Variants in CRNN observed in about 807,000 individuals in gnomAD.
CRNN encodes the protein 53 kDa putative calcium-binding protein.
In CRNN, 39 loss-of-function variants were observed where a neutral mutation model predicts 44.7. The observed-to-expected ratio is 0.87, with a 90% CI of 0.68 to 1.14. The LOEUF is 1.14. Ranked by LOEUF, CRNN falls within the 50% of genes most tolerant of loss-of-function variation. CRNN has a pLI of 0.00. For missense variants in CRNN, 606 were observed against 605.1 expected (o/e 1.00, Z -0.02); for synonymous variants, 240 against 231.8 (o/e 1.04, Z -0.32).
Position 152,410,325 on chromosome 1 carries a change from T to C in CRNN, c.757A>G (p.Thr253Ala). ...GTGGCCTCCTGTGTCTGCTTGCTGG[T>C]TCTTCCTGTCTGGTGGCTGCTGTCC... The part of the protein sequence containing the change: ...EQDSSHQTGR[T>A]SKQTQEATND... The change falls in exon 3 of 3, where the codon ACC (threonine) becomes GCC (alanine). Residue 253 changes from threonine (T) to alanine (A), a missense_variant. Thr to Ala is a moderately conservative substitution (Grantham distance 58, BLOSUM62 0). Coordinates refer to ENST00000271835, the MANE Select transcript of CRNN (RefSeq NM_016190.3). 1 of 1,613,966 alleles carries C rather than the reference T, an allele frequency of 6.2e-7. No homozygotes were observed. The highest frequency in any genetic ancestry group is 8.5e-7 in the Non-Finnish European group (1 of 1,179,990).
At position 152,410,751 on chromosome 1, in the gene CRNN, G is replaced by A. The variant is rs1557915251; in HGVS notation, c.331C>T (p.Gln111Ter). Residue 111 changes from glutamine to a stop codon, truncating the protein, a stop_gained, in exon 3 of 3, where the codon CAG (glutamine) becomes TAG (stop). Coordinates refer to ENST00000271835, the MANE Select transcript of CRNN (RefSeq NM_016190.3). LOFTEE classifies it high-confidence loss of function. Reference sequence around the variant, plus strand: ...CTTCTCTGTCCTTCGCCCAGCTCCTGCGAGGCCCCAGAGTGGAGGCTTCCA... The same window carrying A: ...CTTCTCTGTCCTTCGCCCAGCTCCTACGAGGCCCCAGAGTGGAGGCTTCCA... The part of the protein sequence containing the change: ...ESGSLHSGAS[Q>*]ELGEGQRSGT... 6.2e-7 allele frequency: 1 copy of A among 1,614,156 alleles called. No individual in the cohort carries two copies. The highest frequency in any genetic ancestry group is 1.7e-5 in the Admixed American group (1 of 60,022).
chr1:152,410,897 T>C lies in CRNN; in HGVS notation c.185A>G (p.Asp62Gly), dbSNP rs571572587. ...TTCCACAGTCCCTGTGTGGTCTTCA[T>C]CCAGCAGACGCAGGACCTCATCCAC... The part of the protein sequence containing the change: ...ATVDEVLRLL[D>G]EDHTGTVEFK... The change falls in exon 3 of 3, where the codon GAT (aspartate) becomes GGT (glycine). Residue 62 changes from aspartate to glycine, a missense_variant. Transcript: ENST00000271835. 6.2e-7 allele frequency: 1 copy of C among 1,613,844 alleles called. No homozygotes were observed. The highest frequency in any genetic ancestry group is 1.3e-5 in the African/African-American group (1 of 75,034).
chr1:152,409,425 C>T lies in CRNN; in HGVS notation c.*169G>A, dbSNP rs1454496120. The T allele has an allele frequency of 7.9e-7, 1 of 1,269,312 alleles. No individual in the cohort carries two copies. The highest frequency in any genetic ancestry group is 1.5e-5 in the African/African-American group (1 of 66,516). The allele number at this position is 1,269,312 out of a possible 1,614,324, so 78.6% of individuals were successfully genotyped here. On this transcript the variant is annotated 3_prime_UTR_variant, in exon 3 of 3. Transcript: ENST00000271835. ...GCAAAGCAGGTAAGAAAGAAGAGTT[C>T]AGGATAGAAAGCTCCTTGCAGAAAT... is the stretch of plus-strand genomic sequence containing the variant.
At position 152,410,838 on chromosome 1, in the gene CRNN, CAACTTT is replaced by C; in HGVS notation, c.238_243del (p.Lys80_Val81del). On this transcript the variant is annotated inframe_deletion, in exon 3 of 3. Coordinates refer to ENST00000271835, the MANE Select transcript of CRNN (RefSeq NM_016190.3). ...CTCAGTGTCTTGAAACAGGCCTGGG[CAACTTT>C]AAACACTAAGACCAGGAATTCCTTG... The C allele has an allele frequency of 6.2e-7, 1 of 1,614,224 alleles. No individual in the cohort carries two copies. The highest frequency in any genetic ancestry group is 1.3e-5 in the African/African-American group (1 of 75,062).
Position 152,412,195 on chromosome 1 carries a change from C to T in CRNN, c.39G>A (p.Glu13=), listed in dbSNP as rs1195413090. 2 of 1,613,144 alleles carry T rather than the reference C, an allele frequency of 1.2e-6. No homozygotes were observed. Among genetic ancestry groups the T allele is most frequent in the Non-Finnish European group, 8.5e-7 (1 of 1,179,360 alleles). Residue 13 remains glutamate, a synonymous_variant, in exon 2 of 3, where the codon GAG becomes GAA. Coordinates refer to ENST00000271835, the MANE Select transcript of CRNN (RefSeq NM_016190.3). ...QLLQNINGII[E]AFRRYARTEG... is the part of the protein sequence containing the mutation. ...CCGTCCTTGCATAGCGCCTGAAGGC[C>T]TCGATGATCCCATTAATGTTTTGCA...
intron 2 of CRNN, 111 bp downstream of exon 2, chr1:152,411,985 G>A: frequency 8.2e-7 from 1 of 1,219,788 alleles, no homozygotes; most frequent in Non-Finnish European, 1.1e-6. Context: ...TGTCCCGGCA[G>A]GCCTGGGTTT....
chr1:152,411,009 A>T, intron 2 of CRNN, 66 bp from the exon 3 acceptor site: 1 of 1,514,704 alleles, frequency 6.6e-7, no homozygotes, highest in East Asian at 2.3e-5. Context: ...GTCCCTTCCA[A>T]TCTGCTGCCA....
In CRNN at chr1:152,409,741, T is replaced by G; in HGVS notation, c.1341A>C (p.Ser447=). 6.2e-7 allele frequency: 1 copy of G among 1,614,204 alleles called. No individual in the cohort carries two copies. The highest frequency in any genetic ancestry group is 8.5e-7 in the Non-Finnish European group (1 of 1,180,024). ...VVGEEWVDDH[S]RETVILRLDQ... ...CCAGCCTGAGGATCACTGTCTCCCT[T>G]GAGTGGTCATCAACCCATTCCTCAC... is the stretch of plus-strand genomic sequence containing the variant. The change falls in exon 3 of 3, where the codon TCA becomes TCC. Residue 447 remains serine, a synonymous_variant. Transcript: ENST00000271835.
chr1:152,410,906 C>A lies in CRNN; in HGVS notation c.176G>T (p.Arg59Leu). 1 of 1,613,096 alleles carries A rather than the reference C, an allele frequency of 6.2e-7. No individual in the cohort carries two copies. The highest frequency in any genetic ancestry group is 8.5e-7 in the Non-Finnish European group (1 of 1,179,532). Residue 59 changes from arginine to leucine, a missense_variant, in exon 3 of 3, where the codon CGT becomes CTT. Transcript: ENST00000271835. ...HDPATVDEVLRLLDEDHTGTV... is the reference protein window; with the variant it reads ...HDPATVDEVLLLLDEDHTGTV... ...CCCTGTGTGGTCTTCATCCAGCAGA[C>A]GCAGGACCTCATCCACAGTTGCTGG...
intron 2 of CRNN, among the ~76,000 whole-genome samples, chr1:152,411,735 T>C (rs1655773244): frequency 6.6e-6 from 1 of 152,206 alleles, no homozygotes; most frequent in South Asian, 2.1e-4. Flanking sequence ...ACATTTCAGA[T>C]AGACGTGGGA....
rs1179394460 is a variant in CRNN at position 152,411,056 on chromosome 1, AC to A, written c.139-114del. 2.1e-6 allele frequency: 3 copies of A among 1,452,376 alleles called. No individual in the cohort carries two copies. In the Admixed American group the frequency reaches 8.5e-5, roughly 41 times the overall value. 90.0% of individuals were successfully genotyped at this position (1,452,376 alleles called of 1,614,324 possible). ...CTCAGACCCCACACTACACACACAT[AC>A]GGCTAGAGCAGCAGCAAGACTTAAT... On this transcript the variant is annotated intron_variant, in intron 2 of 2. Transcript: ENST00000271835.
Position 152,410,767 on chromosome 1 carries a change from G to A in CRNN, c.315C>T (p.Leu105=). Residue 105 remains leucine (L), a synonymous_variant, in exon 3 of 3, where the codon CTC becomes CTT. Transcript: ENST00000271835. ...CCAGCTCCTGCGAGGCCCCAGAGTG[G>A]AGGCTTCCAGACTCTTGAGAGCCGC... ...GACGSQESGS[L]HSGASQELGE... 6.2e-7 allele frequency: 1 copy of A among 1,614,210 alleles called. No homozygotes were observed. Among genetic ancestry groups the A allele is most frequent in the South Asian group, 1.1e-5 (1 of 91,084 alleles).
rs2101705188 is a variant in CRNN, at chr1:152,410,672, T to C, written c.410A>G (p.His137Arg). 6.2e-7 allele frequency: 1 copy of C among 1,614,088 alleles called. No homozygotes were observed. Among genetic ancestry groups the C allele is most frequent in the Non-Finnish European group, 8.5e-7 (1 of 1,179,952 alleles). The change falls in exon 3 of 3, where the codon CAC (histidine) becomes CGC (arginine). Residue 137 changes from histidine (H) to arginine (R), a missense_variant. Coordinates refer to ENST00000271835, the MANE Select transcript of CRNN (RefSeq NM_016190.3). The stretch of plus-strand genomic sequence containing the variant: ...TCTGGAACCCTGCTGGCTCTGTCTG[T>C]GGCTGCTCCCCTCATAATGCTGCCC... Reference protein sequence around the residue: ...GKGQHYEGSSHRQSQQGSRGQ... With the variant: ...GKGQHYEGSSRRQSQQGSRGQ...
rs1314305424 is a variant in CRNN at position 152,410,570 on chromosome 1, G to C, written c.512C>G (p.Ala171Gly). The C allele has an allele frequency of 1.2e-6, 2 of 1,614,006 alleles. No homozygotes were observed. Among genetic ancestry groups the C allele is most frequent in the Non-Finnish European group, 1.7e-6 (2 of 1,180,030 alleles). ...TATTCTTTCCTGGCTCTGGGACTCA[G>C]CTTGCCTGTCATAGCTGCTGACCCA... The part of the protein sequence containing the change: ...SAWVSSYDRQ[A>G]ESQSQERISP... Residue 171 changes from alanine (A) to glycine (G), a missense_variant, in exon 3 of 3, where the codon GCT (alanine) becomes GGT (glycine). Physicochemically the swap from Ala to Gly is moderately conservative, Grantham distance 60. Coordinates refer to ENST00000271835, the MANE Select transcript of CRNN (RefSeq NM_016190.3).
Position 152,410,014 on chromosome 1 carries a change from C to T in CRNN, c.1068G>A (p.Glu356=). The T allele has an allele frequency of 6.2e-7, 1 of 1,614,200 alleles. No individual in the cohort carries two copies. The highest frequency in any genetic ancestry group is 1.1e-5 in the South Asian group (1 of 91,068). The change falls in exon 3 of 3, where the codon GAG becomes GAA. Residue 356 remains glutamate (E), a synonymous_variant. Transcript: ENST00000271835. Reference sequence around the variant, plus strand: ...TTTGGCTTCTGTCCTGCTCCACAGTCTCGGTGTGTGACCCTGCCTGTATCT... The same window carrying T: ...TTTGGCTTCTGTCCTGCTCCACAGTTTCGGTGTGTGACCCTGCCTGTATCT... The part of the protein sequence containing the change: ...HTQIQAGSHT[E]TVEQDRSQTV...
intron 1 of CRNN, among the ~76,000 whole-genome samples, chr1:152,413,790 T>G (rs1655836316): frequency 6.6e-6 from 1 of 152,256 alleles, no homozygotes; most frequent in African/African-American, 2.4e-5. Flanking sequence ...TTTGCCTAAA[T>G]ATCACCCTGG....
At chr1:152,413,772 A>G (rs957659758) in intron 1 of CRNN, among the ~76,000 whole-genome samples, 1 of 152,260 alleles carries the variant, frequency 6.6e-6, no homozygotes, top group Non-Finnish European at 1.5e-5. Context: ...AGAAAAATCT[A>G]CACATATTTT....
rs1172049107 is a variant in CRNN, at chr1:152,410,169, C to T, written c.913G>A (p.Asp305Asn). The T allele has an allele frequency of 3.1e-6, 5 of 1,611,820 alleles. No individual in the cohort carries two copies. The South Asian group carries it at 3.3e-5, about 11-fold the overall frequency. The change falls in exon 3 of 3, where the codon GAC becomes AAC. Residue 305 changes from aspartate to asparagine, a missense_variant. Physicochemically the swap from Asp to Asn is conservative, Grantham distance 23. Coordinates refer to ENST00000271835, the MANE Select transcript of CRNN (RefSeq NM_016190.3). ...GTGCTTCCTGTCTGGTGGCTGCTGT[C>T]CTGCTCCACGGTCTGGGTGGGTGTC... ...TQTPTQTVEQ[D>N]SSHQTGSTST...
rs1655738296 is a variant in CRNN, at chr1:152,410,881, C to A, written c.201G>T (p.Gly67=). ...CCAGGAATTCCTTGAATTCCACAGT[C>A]CCTGTGTGGTCTTCATCCAGCAGAC... ...VLRLLDEDHT[G]TVEFKEFLVL... is the part of the protein sequence containing the mutation. Residue 67 remains glycine, a synonymous_variant, in exon 3 of 3, where the codon GGG becomes GGT. Coordinates refer to ENST00000271835, the MANE Select transcript of CRNN (RefSeq NM_016190.3). 2 of 1,614,118 alleles carry A rather than the reference C, an allele frequency of 1.2e-6. No homozygotes were observed. The highest frequency in any genetic ancestry group is 1.7e-6 in the Non-Finnish European group (2 of 1,180,006).
Sources: allele counts gnomAD v4.1 joint callset (sites outside exome capture counted in the v4.1 genomes callset), GRCh38; gene constraint gnomAD v4.1.1; transcripts MANE v1.5; gene names NCBI Gene and HGNC (gene_info 2026-07-23, HGNC 2026-07-21).